Variants in HDAC8 observed in about 807,000 individuals in gnomAD.
HDAC8 encodes the protein histone deacetylase-like 1.
HDAC8 carries 1 observed loss-of-function variant against 32.2 expected under a neutral mutation model. The ratio of observed to expected loss-of-function variants is 0.03; its 90% CI spans 0.01 to 0.15. HDAC8 has a LOEUF of 0.15. Ranked by LOEUF, HDAC8 falls within the 10% of genes least tolerant of loss-of-function variation. The pLI, the probability that HDAC8 is intolerant of heterozygous loss-of-function variation, is 1.00. For synonymous variants in HDAC8, 108 were observed against 113.9 expected, an observed-to-expected ratio of 0.95 and a Z score of 0.33; for missense variants, 117 against 300.0, an observed-to-expected ratio of 0.39 and a Z score of 4.51.
At chrX:72,365,327 A>T (rs2044667761) in intron 9 of HDAC8, among the ~76,000 whole-genome samples, 1 of 112,099 alleles carries the variant, frequency 8.9e-6, no homozygotes, top group African/African-American at 3.2e-5. Context: ...TCAGTGTGGT[A>T]GGTGCTGGGG....
chrX:72,487,420 A>G (rs1456087281), intron 7 of HDAC8, among the ~76,000 whole-genome samples: 1 of 111,574 alleles, frequency 9.0e-6, no homozygotes, highest in Non-Finnish European at 1.9e-5. Context: ...AAAATCCTCA[A>G]GTCTACAGAT....
At chrX:72,510,755 A>AT (rs782041664) in intron 4 of HDAC8, among the ~76,000 whole-genome samples, 1 of 111,942 alleles carries the variant, frequency 8.9e-6, no homozygotes, top group Admixed American at 9.5e-5. Flanking sequence ...TCCTTTGGAC[A>AT]TGCAAGGTCA....
intron 9 of HDAC8, among the ~76,000 whole-genome samples, chrX:72,418,496 C>T (rs1312596037): frequency 9.0e-6 from 1 of 111,523 alleles, no homozygotes; most frequent in Non-Finnish European, 1.9e-5. Context: ...CCATTTTATA[C>T]CAGTCAGAAT....
At chrX:72,565,797 G>A (rs2051758161) in intron 4 of HDAC8, among the ~76,000 whole-genome samples, 1 of 110,937 alleles carries the variant, frequency 9.0e-6, no homozygotes, top group Non-Finnish European at 1.9e-5. Flanking sequence ...TCTGCACCTG[G>A]GAGGGGAGAG....
intron 4 of HDAC8, among the ~76,000 whole-genome samples, chrX:72,511,996 A>G (rs1556022170): frequency 8.9e-6 from 1 of 112,017 alleles, no homozygotes; most frequent in Non-Finnish European, 1.9e-5. Flanking sequence ...ATTCTACTCA[A>G]TATCTTTCAT....
chrX:72,559,486 C>T (rs1247322338), intron 4 of HDAC8, among the ~76,000 whole-genome samples: 6 of 111,584 alleles, frequency 5.4e-5, no homozygotes, highest in African/African-American at 2.0e-4. Context: ...TCTGCCCGGC[C>T]GCCACCCCGT....
intron 9 of HDAC8, among the ~76,000 whole-genome samples, chrX:72,375,128 G>T (rs1263805526): frequency 1.8e-5 from 2 of 112,167 alleles, no homozygotes; most frequent in Admixed American, 9.4e-5. Flanking sequence ...CCAGCCTGTT[G>T]TGATTTCTTT....
chrX:72,439,639 CAAAAAAA>C (rs782744436), intron 9 of HDAC8, among the ~76,000 whole-genome samples: 3 of 36,231 alleles, frequency 8.3e-5, no homozygotes, highest in African/African-American at 2.8e-4. Flanking sequence ...AAATGGAAAG[CAAAAAAA>C]AAAAAAAAAA....
At chrX:72,488,094 A>G (rs570300539) in intron 7 of HDAC8, among the ~76,000 whole-genome samples, 7 of 111,608 alleles carry the variant, frequency 6.3e-5, no homozygotes, top group African/African-American at 2.3e-4. Flanking sequence ...TAAAGTTTTT[A>G]TTTTTTAATA....
chrX:72,533,828 A>AAC (rs1218888026), intron 4 of HDAC8, among the ~76,000 whole-genome samples: 4 of 111,416 alleles, frequency 3.6e-5, no homozygotes, highest in Non-Finnish European at 5.7e-5. Flanking sequence ...TCACGATATA[A>AAC]ACACTCACTA....
At chrX:72,406,648 T>C (rs2046047207) in intron 9 of HDAC8, among the ~76,000 whole-genome samples, 1 of 112,347 alleles carries the variant, frequency 8.9e-6, no homozygotes, top group African/African-American at 3.2e-5. Flanking sequence ...TCAGTAATAA[T>C]TTTTTTGTTT....
At chrX:72,378,471 C>T (rs1555958981) in intron 9 of HDAC8, among the ~76,000 whole-genome samples, 4 of 111,955 alleles carry the variant, frequency 3.6e-5, no homozygotes, top group African/African-American at 9.7e-5. Context: ...AAGCCAGCAC[C>T]GTGCTTCTTG....
At chrX:72,546,787 C>G (rs1343211207) in intron 4 of HDAC8, among the ~76,000 whole-genome samples, 1 of 110,857 alleles carries the variant, frequency 9.0e-6, no homozygotes, top group Non-Finnish European at 1.9e-5. Context: ...AGCAGGCAAC[C>G]CCCACACTCC....
At chrX:72,486,591 C>A (rs782692798) in intron 7 of HDAC8, among the ~76,000 whole-genome samples, 1 of 111,503 alleles carries the variant, frequency 9.0e-6, no homozygotes, top group South Asian at 3.8e-4. Flanking sequence ...GCAAGGGGAT[C>A]ACTTGGATCC....
rs782511669 is a variant in HDAC8, at chrX:72,426,642, G to A, written c.1005+35362C>T. Among the ~76,000 whole-genome samples, 5 of 111,334 alleles carry A rather than the reference G, an allele frequency of 4.5e-5. No individual in the cohort carries two copies. In the South Asian group the frequency reaches 1.5e-3, roughly 34 times the overall value. Reference sequence around the variant, plus strand: ...TTTTTTCATAAAAGTTGTGCAAAATGGCATTTATCATAATTCCTGTTTTTG... The same window carrying A: ...TTTTTTCATAAAAGTTGTGCAAAATAGCATTTATCATAATTCCTGTTTTTG... On this transcript the variant is annotated intron_variant, in intron 9 of 10. Transcript: ENST00000373573.
chrX:72,536,284 G>A (rs1224879569), intron 4 of HDAC8, among the ~76,000 whole-genome samples: 1 of 111,802 alleles, frequency 8.9e-6, no homozygotes, highest in Admixed American at 9.5e-5. Flanking sequence ...TGACTTCATA[G>A]TTATATCAAG....
chrX:72,537,567 T>A lies in HDAC8; in HGVS notation c.437+30322A>T, dbSNP rs2050572667. ...GGATATATATCCCTCTTATAGTAAA[T>A]CCACAGATAGGGATTCCTGGTCAAG... On this transcript the variant is annotated intron_variant, in intron 4 of 10. Coordinates refer to ENST00000373573, the MANE Select transcript of HDAC8 (RefSeq NM_018486.3). Among the ~76,000 whole-genome samples, 3 of 111,937 alleles carry A rather than the reference T, an allele frequency of 2.7e-5. No homozygotes were observed. The South Asian group carries it at 1.1e-3, about 42-fold the overall frequency.
intron 9 of HDAC8, among the ~76,000 whole-genome samples, chrX:72,380,337 TA>T (rs2147820731): frequency 9.0e-6 from 1 of 111,724 alleles, no homozygotes; most frequent in East Asian, 2.8e-4. Context: ...TCATGCCTAA[TA>T]AAAAAAGCCT....
intron 7 of HDAC8, chrX:72,467,832 T>C: frequency 1.5e-6 from 1 of 658,087 alleles, no homozygotes; most frequent in South Asian, 3.3e-5. Flanking sequence ...ATTTATATGG[T>C]AGAATTGATC....
Sources: gnomAD v4.1 joint callset for allele counts (sites outside exome capture counted in the v4.1 genomes callset) on GRCh38, gnomAD v4.1.1 for gene constraint, MANE v1.5 for transcripts, NCBI Gene and HGNC (gene_info 2026-07-23, HGNC 2026-07-21) for gene names.